Variants in TGIF2 observed in about 807,000 individuals in gnomAD.
TGIF2 encodes homeobox protein TGIF2.
In TGIF2, 5 loss-of-function variants were observed where a neutral mutation model predicts 15.1. That is an observed-to-expected ratio of 0.33 (90% CI 0.17 to 0.70). The LOEUF is 0.70. Among genes scored for constraint, TGIF2 ranks in the 30% least tolerant of loss-of-function variants. TGIF2 has a pLI of 0.67. For missense variants in TGIF2, 264 were observed against 302.5 expected, an observed-to-expected ratio of 0.87 and a Z score of 0.94; for synonymous variants, 131 against 128.9, an observed-to-expected ratio of 1.02 and a Z score of -0.11.
intron 2 of TGIF2, among the ~76,000 whole-genome samples, chr20:36,584,929 G>A (rs2038624106): frequency 6.6e-6 from 1 of 151,824 alleles, no homozygotes; most frequent in East Asian, 1.9e-4. Context: ...GGGCACAGTG[G>A]CTCACACCTA....
intron 1 of TGIF2, among the ~76,000 whole-genome samples, chr20:36,576,620 C>T (rs1423905819): frequency 6.6e-6 from 1 of 152,060 alleles, no homozygotes; most frequent in East Asian, 1.9e-4. Flanking sequence ...AGATATAACT[C>T]ACATACCATG....
intron 1 of TGIF2, among the ~76,000 whole-genome samples, chr20:36,575,121 G>C (rs6071619): frequency 2.0e-5 from 3 of 152,140 alleles, no homozygotes; most frequent in Admixed American, 1.3e-4. Flanking sequence ...GTGGGTCACA[G>C]TTGTTCGTGC....
At chr20:36,583,453 A>G (rs953902888) in intron 2 of TGIF2, among the ~76,000 whole-genome samples, 6 of 150,626 alleles carry the variant, frequency 4.0e-5, no homozygotes, top group African/African-American at 1.5e-4. Context: ...GCAAGACCCT[A>G]TCTCTAAAAA....
intron 2 of TGIF2, among the ~76,000 whole-genome samples, chr20:36,588,191 G>A (rs1319985457): frequency 6.6e-6 from 1 of 151,812 alleles, no homozygotes; most frequent in Non-Finnish European, 1.5e-5. Context: ...TTCTCATTGA[G>A]CTCAGTTCTC....
rs1233918306 is a variant in TGIF2, at chr20:36,578,806, G to C, written c.32G>C (p.Gly11Ala). Residue 11 changes from glycine to alanine, a missense_variant, in exon 2 of 3, where the codon GGC (glycine) becomes GCC (alanine). Gly to Ala is a moderately conservative substitution (Grantham distance 60). Transcript: ENST00000373872. ...GACAGTGATCTAGGTGAGGACGAAGGCCTCCTCTCCCTGGCGGGCAAAAGG... is the reference window on the plus strand; with the variant it reads ...GACAGTGATCTAGGTGAGGACGAAGCCCTCCTCTCCCTGGCGGGCAAAAGG... The part of the protein sequence containing the change: MSDSDLGEDE[G>A]LLSLAGKRKR... 7 of 1,614,002 alleles carry C rather than the reference G, an allele frequency of 4.3e-6. No homozygotes were observed. Among genetic ancestry groups the C allele is most frequent in the Non-Finnish European group, 5.9e-6 (7 of 1,179,934 alleles).
intron 2 of TGIF2, among the ~76,000 whole-genome samples, chr20:36,580,712 A>T (rs1387239870): frequency 6.7e-6 from 1 of 148,466 alleles, no homozygotes; most frequent in East Asian, 2.1e-4. Flanking sequence ...TGGGGGGCTG[A>T]AGTGGGAGGA....
At position 36,591,085 on chromosome 20, in the gene TGIF2, A is replaced by G. The variant is rs771290294; in HGVS notation, c.368A>G (p.Asn123Ser). The G allele has an allele frequency of 3.8e-6, 6 of 1,597,640 alleles. No homozygotes were observed. In the African/African-American group the frequency reaches 4.0e-5, roughly 11 times the overall value. The change falls in exon 3 of 3, where the codon AAT (asparagine) becomes AGT (serine). Residue 123 changes from asparagine (N) to serine (S), a missense_variant. Physicochemically the swap from Asn to Ser is conservative, Grantham distance 46. Transcript: ENST00000373872. The surrounding 1 kb of genome is among the most constrained non-coding windows in gnomAD (Gnocchi z 5.3). ...VLAVSVPAPT[N>S]VLSLSVCSMP... is the part of the protein sequence containing the mutation. ...GCTGTGTCTGTCCCAGCCCCCACCAATGTGCTCTCCCTGTCTGTGTGCTCC... is the reference window on the plus strand; with the variant it reads ...GCTGTGTCTGTCCCAGCCCCCACCAGTGTGCTCTCCCTGTCTGTGTGCTCC...
chr20:36,588,352 C>T (rs1271566360), intron 2 of TGIF2, among the ~76,000 whole-genome samples: 5 of 138,068 alleles, frequency 3.6e-5, no homozygotes, highest in Non-Finnish European at 1.5e-5. Flanking sequence ...TGAGCCCTTC[C>T]TTCTTTTTTT....
intron 2 of TGIF2, among the ~76,000 whole-genome samples, chr20:36,588,477 C>CA (rs1268749395): frequency 1.4e-5 from 2 of 146,654 alleles, no homozygotes; most frequent in Non-Finnish European, 3.0e-5. Flanking sequence ...GCAGTTCTCT[C>CA]AGCCTCCTGA....
At chr20:36,577,938 G>C (rs2038465434) in intron 1 of TGIF2, among the ~76,000 whole-genome samples, 1 of 152,148 alleles carries the variant, frequency 6.6e-6, no homozygotes, top group South Asian at 2.1e-4. Flanking sequence ...ACAAGTAGGT[G>C]GGCTTACAAA....
chr20:36,575,664 C>T (rs79946340), intron 1 of TGIF2, among the ~76,000 whole-genome samples: 1 of 152,066 alleles, frequency 6.6e-6, no homozygotes, highest in African/African-American at 2.4e-5. Flanking sequence ...GATCTGGGCT[C>T]GGGTCCAAGA....
chr20:36,587,183 C>T (rs993538255), intron 2 of TGIF2, among the ~76,000 whole-genome samples: 3 of 152,212 alleles, frequency 2.0e-5, no homozygotes, highest in African/African-American at 7.2e-5. Context: ...AGTCCCCCCG[C>T]GTTGCCTTGC....
chr20:36,586,055 G>A (rs1248955004), intron 2 of TGIF2, among the ~76,000 whole-genome samples: 1 of 152,170 alleles, frequency 6.6e-6, no homozygotes, highest in Admixed American at 6.5e-5. Flanking sequence ...GTCAGCTGTG[G>A]GGGAGGAGTG....
In TGIF2 at chr20:36,578,942, A is replaced by G; in HGVS notation, c.168A>G (p.Gly56=). 1 of 1,614,064 alleles carries G rather than the reference A, an allele frequency of 6.2e-7. No homozygotes were observed. Among genetic ancestry groups the G allele is most frequent in the Non-Finnish European group, 8.5e-7 (1 of 1,179,986 alleles). ...AGCAGGAGAAGCTGAGCCTTTCTGG[A>G]CAGACCAACCTGTCAGTGCTGCAAG... The part of the protein sequence containing the change: ...PSEQEKLSLS[G]QTNLSVLQIC... The change falls in exon 2 of 3, where the codon GGA becomes GGG. Residue 56 remains glycine (G), a synonymous_variant. Transcript: ENST00000373872.
Position 36,591,370 on chromosome 20 carries a change from A to G in TGIF2, c.653A>G (p.Gln218Arg). Residue 218 changes from glutamine (Q) to arginine (R), a missense_variant, in exon 3 of 3, where the codon CAG becomes CGG. Gln to Arg is a conservative substitution (Grantham distance 43). Transcript: ENST00000373872. The surrounding 1 kb of genome is among the most constrained non-coding windows in gnomAD (Gnocchi z 5.3). The stretch of plus-strand genomic sequence containing the variant: ...GCTGAGATGGAGCTTCAGAAGCAGC[A>G]GGACCCATCACTCCCATTACTGCAC... ...RAAEMELQKQ[Q>R]DPSLPLLHTP... 6.2e-7 allele frequency: 1 copy of G among 1,614,190 alleles called. No individual in the cohort carries two copies. Among genetic ancestry groups the G allele is most frequent in the Non-Finnish European group, 8.5e-7 (1 of 1,180,022 alleles).
rs1400753057 is a variant in TGIF2 at position 36,591,593 on chromosome 20, A to C, written c.*162A>C. ...GGAAGATGCCAGCTGGCACCACTGC[A>C]CTGTGATGGGGGCCCTCTCCTCTGC... On this transcript the variant is annotated 3_prime_UTR_variant, in exon 3 of 3. Transcript: ENST00000373872. The surrounding 1 kb of genome is among the most constrained non-coding windows in gnomAD (Gnocchi z 5.3). 5.3e-6 allele frequency: 4 copies of C among 761,096 alleles called. No individual in the cohort carries two copies. The highest frequency in any genetic ancestry group is 8.3e-6 in the Non-Finnish European group (4 of 482,470). The allele number at this position is 761,096 out of a possible 1,614,324, so 47.1% of individuals were successfully genotyped here. A position where few individuals can be genotyped will look rare whatever the true frequency, so the allele number is the denominator to read the frequency against.
rs60964912 is a variant in TGIF2 at position 36,592,168 on chromosome 20, GAA to G, written c.*750_*751del. The G allele has an allele frequency of 6.2e-5, 8 of 129,244 alleles. No individual in the cohort carries two copies. Among genetic ancestry groups the G allele is most frequent in the African/African-American group, 8.4e-5 (3 of 35,924 alleles). The allele number at this position is 129,244 out of a possible 1,614,324, so 8.0% of individuals were successfully genotyped here. ...TTTGGTTTACCAAAAAAAAGGCAGGGAAAAAAAAAAAAAACAACCGTATGAGC... is the reference window on the plus strand; with the variant it reads ...TTTGGTTTACCAAAAAAAAGGCAGGGAAAAAAAAAAAACAACCGTATGAGC... On this transcript the variant is annotated 3_prime_UTR_variant, in exon 3 of 3. Transcript: ENST00000373872.
chr20:36,581,105 C>G (rs994601050), intron 2 of TGIF2, among the ~76,000 whole-genome samples: 3 of 152,054 alleles, frequency 2.0e-5, no homozygotes, highest in African/African-American at 7.2e-5. Context: ...CCAGCCTGGG[C>G]AACAAGAACA....
At chr20:36,584,308 C>T (rs1218223499) in intron 2 of TGIF2, among the ~76,000 whole-genome samples, 1 of 152,182 alleles carries the variant, frequency 6.6e-6, no homozygotes, top group Non-Finnish European at 1.5e-5. Flanking sequence ...TTTTAGACTG[C>T]ACCAAATTCT....
Sources: gnomAD v4.1 joint callset for allele counts (sites outside exome capture counted in the v4.1 genomes callset) on GRCh38, gnomAD v4.1.1 for gene constraint, Gnocchi (gnomAD v3.1) non-coding constraint, MANE v1.5 for transcripts, NCBI Gene and HGNC (gene_info 2026-07-23, HGNC 2026-07-21) for gene names.